The following DNASE2B variants were observed in gnomAD, a reference collection of about 807,000 sequenced individuals.
The protein encoded by DNASE2B is deoxyribonuclease-2-beta.
Under a neutral mutation model 46.0 loss-of-function variants are expected in DNASE2B, and 43 were observed. The ratio of observed to expected loss-of-function variants is 0.94; its 90% CI spans 0.73 to 1.21. DNASE2B has a LOEUF of 1.21. Among genes scored for constraint, DNASE2B ranks in the 50% most tolerant of loss-of-function variants. DNASE2B has a pLI of 0.00. For synonymous variants in DNASE2B, 156 were observed against 152.5 expected, an observed-to-expected ratio of 1.02 and a Z score of -0.17; for missense variants, 395 against 414.4, an observed-to-expected ratio of 0.95 and a Z score of 0.41.
At chr1:84,408,208 C>A in intron 2 of DNASE2B, 3 of 452,440 alleles carry the variant, frequency 6.6e-6, no homozygotes, top group Non-Finnish European at 1.0e-5. Flanking sequence ...ATGCACAGGG[C>A]TCCTGTCACA....
At chr1:84,400,256 T>C (rs1476745400) in intron 1 of DNASE2B, among the ~76,000 whole-genome samples, 1 of 151,928 alleles carries the variant, frequency 6.6e-6, no homozygotes, top group Admixed American at 6.6e-5. Context: ...TAATCCCAGC[T>C]ACATGGGAGG....
chr1:84,413,695 A>C (rs1385272910), intron 5 of DNASE2B, among the ~76,000 whole-genome samples: 3 of 152,158 alleles, frequency 2.0e-5, no homozygotes, highest in Non-Finnish European at 4.4e-5. Flanking sequence ...ATGATTCTCA[A>C]GTCTTGATCT....
rs1680670002 is a variant in DNASE2B at position 84,414,972 on chromosome 1, CT to C, written c.*105del. On this transcript the variant is annotated 3_prime_UTR_variant, in exon 6 of 6. Coordinates refer to ENST00000370665, the MANE Select transcript of DNASE2B (RefSeq NM_021233.3). ...AAAGGCCTGTGAATATACTTATAACCTGCATATCACAAAATAAAACATTTTT... is the reference window on the plus strand; with the variant it reads ...AAAGGCCTGTGAATATACTTATAACCGCATATCACAAAATAAAACATTTTT... 1 of 757,162 alleles carries C rather than the reference CT, an allele frequency of 1.3e-6. No individual in the cohort carries two copies. The highest frequency in any genetic ancestry group is 3.1e-5 in the Admixed American group (1 of 32,176). 46.9% of individuals were successfully genotyped at this position (757,162 alleles called of 1,614,324 possible). A position where few individuals can be genotyped will look rare whatever the true frequency, so the allele number is the denominator to read the frequency against.
chr1:84,401,022 G>A (rs1680394067), intron 1 of DNASE2B, among the ~76,000 whole-genome samples: 2 of 152,178 alleles, frequency 1.3e-5, no homozygotes, highest in Admixed American at 6.5e-5. Context: ...TATGGTAATA[G>A]TGTATATATT....
chr1:84,406,019 A>T (rs1680486384), intron 2 of DNASE2B, among the ~76,000 whole-genome samples: 1 of 152,128 alleles, frequency 6.6e-6, no homozygotes, highest in Admixed American at 6.5e-5. Context: ...TAATGTATCT[A>T]ACTTTTTCTT....
intron 1 of DNASE2B, 62 bp downstream of exon 1, chr1:84,398,751 C>T: frequency 6.3e-7 from 1 of 1,583,138 alleles, no homozygotes; most frequent in Admixed American, 1.8e-5. Flanking sequence ...GTTGGCCTGG[C>T]TCACTGCGAA....
In DNASE2B at chr1:84,408,523, G is replaced by A. The variant is rs1259259088; in HGVS notation, c.385+5G>A. ...GAAAGTATGGACACACCAAAGGTAT[G>A]ACAAAGATTCTTGGTTTCTCTTTCC... On this transcript the variant is annotated splice_donor_5th_base_variant and intron_variant, in intron 3 of 5. Coordinates refer to ENST00000370665, the MANE Select transcript of DNASE2B (RefSeq NM_021233.3). 1.2e-6 allele frequency: 2 copies of A among 1,603,062 alleles called. No homozygotes were observed. The highest frequency in any genetic ancestry group is 3.4e-5 in the Admixed American group (2 of 58,188).
At chr1:84,411,623 T>C (rs1253774066) in intron 4 of DNASE2B, among the ~76,000 whole-genome samples, 1 of 152,114 alleles carries the variant, frequency 6.6e-6, no homozygotes, top group Non-Finnish European at 1.5e-5. Context: ...CCTTTTAAGA[T>C]TTCAAGCTCA....
At position 84,414,789 on chromosome 1, in the gene DNASE2B, G is replaced by A. The variant is rs1204976913; in HGVS notation, c.1007G>A (p.Gly336Glu). 1 of 1,614,176 alleles carries A rather than the reference G, an allele frequency of 6.2e-7. No homozygotes were observed. Among genetic ancestry groups the A allele is most frequent in the Admixed American group, 1.7e-5 (1 of 60,012 alleles). ...AGTCCACACCAAGCCTTCAGAAGTG[G>A]AGGATTCATTTGTACCCAGAATTGG... ...NRSPHQAFRS[G>E]GFICTQNWQI... Residue 336 changes from glycine (G) to glutamate (E), a missense_variant, in exon 6 of 6, where the codon GGA becomes GAA. Transcript: ENST00000370665.
chr1:84,413,214 C>A (rs1680633419), intron 5 of DNASE2B, among the ~76,000 whole-genome samples: 1 of 152,092 alleles, frequency 6.6e-6, no homozygotes. Flanking sequence ...CCTTTTCTTT[C>A]AGATTTATTT....
At chr1:84,405,334 T>C (rs569227377) in intron 2 of DNASE2B, among the ~76,000 whole-genome samples, 2 of 152,356 alleles carry the variant, frequency 1.3e-5, no homozygotes, top group African/African-American at 2.4e-5. Flanking sequence ...GCTATAAAAG[T>C]ATTTTGTAAA....
At chr1:84,400,014 G>A (rs1680377902) in intron 1 of DNASE2B, among the ~76,000 whole-genome samples, 1 of 152,150 alleles carries the variant, frequency 6.6e-6, no homozygotes, top group South Asian at 2.1e-4. Context: ...AGAAGGACAT[G>A]CTGAGAAGAC....
chr1:84,412,304 T>C (rs1416888158), intron 4 of DNASE2B, 45 bp from the exon 5 acceptor site: 9 of 1,432,736 alleles, frequency 6.3e-6, no homozygotes, highest in East Asian at 4.9e-5. Flanking sequence ...GGTATTTCCA[T>C]TTGTGTCTTA....
At position 84,411,027 on chromosome 1, in the gene DNASE2B, A is replaced by C. The variant is rs78247834; in HGVS notation, c.547+28A>C. The C allele has an allele frequency of 5.6e-5, 83 of 1,494,272 alleles. 1 individual carries two copies. In the African/African-American group the frequency reaches 6.4e-4, roughly 12 times the overall value. The allele number at this position is 1,494,272 out of a possible 1,614,324, so 92.6% of individuals were successfully genotyped here. On this transcript the variant is annotated intron_variant, in intron 4 of 5. Transcript: ENST00000370665. Reference sequence around the variant, plus strand: ...AAAACTAAAGTATGTGAGAAAAAAAACGATAACTATGTTGAAGAAATGATT... The same window carrying C: ...AAAACTAAAGTATGTGAGAAAAAAACCGATAACTATGTTGAAGAAATGATT...
chr1:84,404,782 T>G (rs555650055), intron 2 of DNASE2B, among the ~76,000 whole-genome samples: 2 of 152,184 alleles, frequency 1.3e-5, no homozygotes, highest in Non-Finnish European at 2.9e-5. Context: ...CAGGCCTTCT[T>G]ATTGTACAAC....
At chr1:84,408,279 G>C in intron 2 of DNASE2B, 158 bp from the exon 3 acceptor site, 1 of 1,186,048 alleles carries the variant, frequency 8.4e-7, no homozygotes, top group Admixed American at 4.0e-5. Context: ...CATGTCACAG[G>C]CTTCATATTG....
chr1:84,414,674 T>C lies in DNASE2B; in HGVS notation c.892T>C (p.Tyr298His). 1.2e-6 allele frequency: 2 copies of C among 1,614,176 alleles called. No individual in the cohort carries two copies. The highest frequency in any genetic ancestry group is 1.7e-6 in the Non-Finnish European group (2 of 1,180,012). Residue 298 changes from tyrosine to histidine, a missense_variant, in exon 6 of 6, where the codon TAT becomes CAT. Physicochemically the swap from Tyr to His is moderately conservative, Grantham distance 83. Coordinates refer to ENST00000370665, the MANE Select transcript of DNASE2B (RefSeq NM_021233.3). ...IKAIKLSRHS[Y>H]FSSYQDHAKW... The stretch of plus-strand genomic sequence containing the variant: ...AGCAATTAAATTATCACGACACTCT[T>C]ATTTCAGTTCTTATCAAGATCATGC...
chr1:84,412,640 A>G, intron 5 of DNASE2B, 94 bp downstream of exon 5: 1 of 1,219,486 alleles, frequency 8.2e-7, no homozygotes, highest in Non-Finnish European at 1.1e-6. Flanking sequence ...ATTCAGAGAA[A>G]GAGAGATGAA....
At chr1:84,414,496 A>G (rs1237529039) in intron 5 of DNASE2B, 32 bp from the exon 6 acceptor site, 7 of 1,548,144 alleles carry the variant, frequency 4.5e-6, no homozygotes, top group Middle Eastern at 1.7e-4. Flanking sequence ...TGTAAATACC[A>G]ACCTCACTAT....
Sources: gnomAD v4.1 joint callset for allele counts (sites outside exome capture counted in the v4.1 genomes callset) on GRCh38, gnomAD v4.1.1 for gene constraint, MANE v1.5 for transcripts, NCBI Gene and HGNC (gene_info 2026-07-23, HGNC 2026-07-21) for gene names.